GFRA2: variants seen among roughly 807,000 people sequenced by gnomAD.
GFRA2 encodes GDNF family receptor alpha-2.
GFRA2 carries 17 observed loss-of-function variants against 48.3 expected under a neutral mutation model. The observed-to-expected ratio is 0.35, with a 90% confidence interval of 0.24 to 0.53. The LOEUF (loss-of-function observed/expected upper bound fraction) is 0.53. GFRA2 is among the 20% of genes least tolerant of loss of function. GFRA2 has a pLI of 0.93. For synonymous variants in GFRA2, 305 were observed against 257.2 expected (o/e 1.19, Z -1.78); for missense variants, 660 against 637.3 (o/e 1.04, Z -0.38).
chr8:21,763,411 C>G (rs770978205), intron 3 of GFRA2, among the ~76,000 whole-genome samples: 6 of 152,182 alleles, frequency 3.9e-5, no homozygotes, highest in South Asian at 2.1e-4. Context: ...ACTCACCAAC[C>G]CTGCCATTCC....
chr8:21,711,393 C>T (rs968323300), intron 4 of GFRA2, among the ~76,000 whole-genome samples: 4 of 152,190 alleles, frequency 2.6e-5, no homozygotes, highest in African/African-American at 9.7e-5. Context: ...AAGTCCATCT[C>T]GGCTGAGACC....
chr8:21,792,867 C>T (rs1335789688), upstream of GFRA2, among the ~76,000 whole-genome samples: 21 of 152,288 alleles, frequency 1.4e-4, no homozygotes, highest in Admixed American at 1.4e-3. Context: ...GAGTTCCAGA[C>T]CAGCCTGACC....
chr8:21,704,059 C>T (rs937607076), intron 6 of GFRA2, among the ~76,000 whole-genome samples: 11 of 152,384 alleles, frequency 7.2e-5, no homozygotes, highest in Non-Finnish European at 1.2e-4. Flanking sequence ...TGCTATCTAC[C>T]TGTCCAGATA....
intron 2 of GFRA2, among the ~76,000 whole-genome samples, chr8:21,798,003 C>A (rs1220853749): frequency 4.6e-5 from 7 of 152,160 alleles, no homozygotes; most frequent in Admixed American, 3.3e-4. Context: ...GCAAAAGTCA[C>A]CATAGTCACC....
At position 21,723,741 on chromosome 8, in the gene GFRA2, C is replaced by T. The variant is rs116940294; in HGVS notation, c.795-17700G>A. 3.7e-3 allele frequency among the ~76,000 whole-genome samples: 564 copies of T among 152,320 alleles called. 15 individuals are homozygous for T. The East Asian group carries it at 0.067, about 18-fold the overall frequency. On this transcript the variant is annotated intron_variant, in intron 4 of 8. Coordinates refer to ENST00000524240, the MANE Select transcript of GFRA2 (RefSeq NM_001495.5). ...AGAGGGAGGTCGCCAAGACCACTCA[C>T]TCGTCCTCTTCTCAACAGGCTAGAA...
chr8:21,717,851 T>C (rs1393015785), intron 4 of GFRA2, among the ~76,000 whole-genome samples: 3 of 152,126 alleles, frequency 2.0e-5, no homozygotes, highest in African/African-American at 7.2e-5. Flanking sequence ...CTGCTAGAAG[T>C]AGAAATCTTT....
At position 21,691,024 on chromosome 8, in the gene GFRA2, T is replaced by C. The variant is rs1801865269; in HGVS notation, c.*2254A>G. ...CTTCCATGCAGAGGCTGGAAGGCAA[T>C]ACACCACAGTGATAAACGCTGTGAA... On this transcript the variant is annotated 3_prime_UTR_variant, in exon 9 of 9. Coordinates refer to ENST00000524240, the MANE Select transcript of GFRA2 (RefSeq NM_001495.5). 6.6e-6 allele frequency: 1 copy of C among 152,070 alleles called. No individual in the cohort carries two copies. Among genetic ancestry groups the C allele is most frequent in the Admixed American group, 6.6e-5 (1 of 15,266 alleles). 9.4% of individuals were successfully genotyped at this position (152,070 alleles called of 1,614,324 possible).
intron 1 of GFRA2, among the ~76,000 whole-genome samples, chr8:21,806,436 C>G (rs1807868380): frequency 6.6e-6 from 1 of 152,158 alleles, no homozygotes; most frequent in Non-Finnish European, 1.5e-5. Context: ...GTAGGCTAGA[C>G]TAAGCTATGA....
At chr8:21,735,373 C>A (rs961931893) in intron 4 of GFRA2, among the ~76,000 whole-genome samples, 139 of 152,140 alleles carry the variant, frequency 9.1e-4, no homozygotes, top group Non-Finnish European at 1.5e-3. Context: ...AACCAAGCCC[C>A]CCCCCAATCC....
chr8:21,707,895 A>G (rs1000327826), intron 4 of GFRA2, among the ~76,000 whole-genome samples: 3 of 152,226 alleles, frequency 2.0e-5, no homozygotes, highest in Non-Finnish European at 1.5e-5. Context: ...AGGTACTTTC[A>G]TATCCATCTT....
intron 4 of GFRA2, among the ~76,000 whole-genome samples, chr8:21,717,339 G>T (rs1056726833): frequency 1.3e-5 from 2 of 152,120 alleles, no homozygotes; most frequent in African/African-American, 2.4e-5. Flanking sequence ...GATGTAGATC[G>T]TGTCAATGTA....
intron 1 of GFRA2, chr8:21,784,375 T>G: frequency 2.2e-6 from 1 of 455,956 alleles, no homozygotes; most frequent in South Asian, 1.5e-5. Flanking sequence ...CTTCCTCGAC[T>G]CCATCTCGCC....
At chr8:21,804,200 GCACA>G (rs146613602) in intron 2 of GFRA2, among the ~76,000 whole-genome samples, 3,211 of 145,006 alleles carry the variant, frequency 0.022, 33 homozygotes, top group African/African-American at 0.036. Flanking sequence ...ATACATACAT[GCACA>G]CACACACACA....
At chr8:21,705,212 G>T in intron 5 of GFRA2, 87 bp from the exon 6 acceptor site, 1 of 1,374,798 alleles carries the variant, frequency 7.3e-7, no homozygotes, top group Non-Finnish European at 9.9e-7. Context: ...GCACAGCAGG[G>T]CAGAGGCGTG....
chr8:21,749,746 T>G (rs1010806502), intron 4 of GFRA2, among the ~76,000 whole-genome samples: 1 of 150,818 alleles, frequency 6.6e-6, no homozygotes, highest in African/African-American at 2.4e-5. Flanking sequence ...GGGTGAGGAA[T>G]GGGTCCTGGA....
chr8:21,730,768 C>T (rs537146602), intron 4 of GFRA2, among the ~76,000 whole-genome samples: 2 of 152,190 alleles, frequency 1.3e-5, no homozygotes, highest in African/African-American at 2.4e-5. Flanking sequence ...CAGGGCAGCA[C>T]GTGCTTTATT....
chr8:21,704,018 C>T (rs1486692569), intron 6 of GFRA2, among the ~76,000 whole-genome samples: 1 of 152,272 alleles, frequency 6.6e-6, no homozygotes, highest in Non-Finnish European at 1.5e-5. Flanking sequence ...ATCTAAATGC[C>T]TCAGGCCTGC....
Position 21,782,568 on chromosome 8 carries a change from G to T in GFRA2, c.355+17C>A. ...CGCCACACCCCCTCCCCTTGGGCAA[G>T]CCCCGCCCAGGCTTACCCTCGGTCA... On this transcript the variant is annotated intron_variant, in intron 2 of 8. Transcript: ENST00000524240. 4 of 1,547,520 alleles carry T rather than the reference G, an allele frequency of 2.6e-6. No homozygotes were observed. Among genetic ancestry groups the T allele is most frequent in the Non-Finnish European group, 3.5e-6 (4 of 1,143,206 alleles).
chr8:21,717,465 G>A (rs530113140), intron 4 of GFRA2, among the ~76,000 whole-genome samples: 1 of 152,310 alleles, frequency 6.6e-6, no homozygotes, highest in African/African-American at 2.4e-5. Flanking sequence ...AGATTCAGAA[G>A]TATATTTCAA....
Sources: gnomAD v4.1 joint callset for allele counts (sites outside exome capture counted in the v4.1 genomes callset) on GRCh38, gnomAD v4.1.1 for gene constraint, MANE v1.5 for transcripts, NCBI Gene and HGNC (gene_info 2026-07-23, HGNC 2026-07-21) for gene names.